The following COL5A2 variants were observed in gnomAD, a reference collection of about 807,000 sequenced individuals.
The protein encoded by COL5A2 is collagen alpha-2(V) chain.
In COL5A2, 23 loss-of-function variants were observed where a neutral mutation model predicts 208.2. The ratio of observed to expected loss-of-function variants is 0.11; its 90% CI spans 0.08 to 0.16. The LOEUF (loss-of-function observed/expected upper bound fraction) is 0.16, where lower values mean the gene tolerates loss of function less well. Ranked by LOEUF, COL5A2 falls within the 10% of genes least tolerant of loss-of-function variation. COL5A2 has a pLI of 1.00. For synonymous variants in COL5A2, 625 were observed against 628.5 expected (o/e 0.99, Z 0.08); for missense variants, 1,590 against 1,956.4 (o/e 0.81, Z 3.53).
At chr2:189,114,264 C>T (rs1433763108) in intron 1 of COL5A2, among the ~76,000 whole-genome samples, 3 of 152,114 alleles carry the variant, frequency 2.0e-5, no homozygotes, top group Non-Finnish European at 4.4e-5. Context: ...TCTCATTGTC[C>T]ATGTCTGAAT....
At chr2:189,079,211 T>A (rs1209476483) in intron 14 of COL5A2, 104 bp from the exon 15 acceptor site, 1 of 899,960 alleles carries the variant, frequency 1.1e-6, no homozygotes, top group African/African-American at 1.7e-5. Context: ...AGAGGACATA[T>A]GAAAGATGTA....
intron 1 of COL5A2, among the ~76,000 whole-genome samples, chr2:189,199,438 T>A (rs1689044308): frequency 6.6e-6 from 1 of 152,122 alleles, no homozygotes; most frequent in African/African-American, 2.4e-5. Flanking sequence ...AAAGGTACAA[T>A]AACATATAAA....
the COL5A2 span, among the ~76,000 whole-genome samples, chr2:189,402,917 T>C: frequency 1.3e-5 from 2 of 152,188 alleles, no homozygotes; most frequent in South Asian, 4.1e-4. Flanking sequence ...CCACATGAAT[T>C]ATAAAATATT....
chr2:189,161,977 G>C (rs991591644), intron 1 of COL5A2, among the ~76,000 whole-genome samples: 1 of 152,312 alleles, frequency 6.6e-6, no homozygotes, highest in Admixed American at 6.5e-5. Context: ...ATTTGGATGT[G>C]AAGGGGAGGA....
the COL5A2 span, among the ~76,000 whole-genome samples, chr2:189,426,836 C>T: frequency 1.0e-3 from 158 of 152,320 alleles, no homozygotes; most frequent in Non-Finnish European, 1.7e-3. Flanking sequence ...TGTGACCTGG[C>T]TACCTCTAAC....
chr2:189,439,482 T>C, the COL5A2 span, among the ~76,000 whole-genome samples: 2 of 152,166 alleles, frequency 1.3e-5, no homozygotes, highest in Non-Finnish European at 2.9e-5. Context: ...CCAATATGGT[T>C]AAGGACAATA....
intron 1 of COL5A2, among the ~76,000 whole-genome samples, chr2:189,155,944 T>C (rs1688237911): frequency 6.6e-6 from 1 of 152,172 alleles, no homozygotes; most frequent in African/African-American, 2.4e-5. Context: ...TTTCTCTTCA[T>C]TTTCAGAACC....
chr2:189,138,333 T>C (rs969607052), intron 1 of COL5A2, among the ~76,000 whole-genome samples: 22 of 152,104 alleles, frequency 1.4e-4, no homozygotes, highest in Admixed American at 1.4e-3. Flanking sequence ...ATCTTACTTA[T>C]TAATATGTCT....
chr2:189,190,566 T>C (rs960696549), intron 1 of COL5A2, among the ~76,000 whole-genome samples: 12 of 152,242 alleles, frequency 7.9e-5, no homozygotes, highest in African/African-American at 2.2e-4. Context: ...AGCCCAGCAG[T>C]TGACTCCAGA....
At chr2:189,038,040 A>G (rs571769959) in intron 51 of COL5A2, among the ~76,000 whole-genome samples, 5 of 152,288 alleles carry the variant, frequency 3.3e-5, no homozygotes, top group Admixed American at 6.5e-5. Flanking sequence ...TTTTAAAGTT[A>G]ACATTTATTT....
chr2:189,350,086 C>G, the COL5A2 span, among the ~76,000 whole-genome samples: 1 of 151,736 alleles, frequency 6.6e-6, no homozygotes, highest in Non-Finnish European at 1.5e-5. Context: ...CAGCAGTCAC[C>G]AAGAATATAT....
At chr2:189,247,574 A>C in the COL5A2 span, among the ~76,000 whole-genome samples, 7 of 151,054 alleles carry the variant, frequency 4.6e-5, no homozygotes, top group Non-Finnish European at 7.4e-5. Context: ...TTTTTCAAAA[A>C]AAAAATTTCT....
At chr2:189,046,434 T>G (rs867197166) in intron 45 of COL5A2, among the ~76,000 whole-genome samples, 2 of 152,310 alleles carry the variant, frequency 1.3e-5, no homozygotes, top group South Asian at 4.1e-4. Context: ...TGCAATCTTA[T>G]TATGATGCAA....
At chr2:189,265,629 C>T in the COL5A2 span, among the ~76,000 whole-genome samples, 1 of 152,090 alleles carries the variant, frequency 6.6e-6, no homozygotes, top group Non-Finnish European at 1.5e-5. Flanking sequence ...TTCAACAAAT[C>T]TTTTATGGGA....
At chr2:189,253,264 G>C in the COL5A2 span, among the ~76,000 whole-genome samples, 1 of 152,162 alleles carries the variant, frequency 6.6e-6, no homozygotes, top group Non-Finnish European at 1.5e-5. Context: ...TGTGGTTCTG[G>C]AATCAGACTG....
At chr2:189,109,834 A>G (rs1162764114) in intron 2 of COL5A2, among the ~76,000 whole-genome samples, 1 of 152,200 alleles carries the variant, frequency 6.6e-6, no homozygotes, top group Non-Finnish European at 1.5e-5. Flanking sequence ...ACTAGGACAA[A>G]GTTGGCATCA....
the COL5A2 span, chr2:189,311,192 A>ATTTTT: frequency 1.1e-6 from 1 of 927,070 alleles, no homozygotes. Context: ...TGGCCAGACT[A>ATTTTT]TTTTTTTTTC....
the COL5A2 span, among the ~76,000 whole-genome samples, chr2:189,415,558 C>T: frequency 6.6e-6 from 1 of 152,160 alleles, no homozygotes; most frequent in Non-Finnish European, 1.5e-5. Flanking sequence ...TAATTGTCAA[C>T]TTCACCTTTA....
the COL5A2 span, among the ~76,000 whole-genome samples, chr2:189,312,640 C>T: frequency 1.8e-4 from 27 of 152,302 alleles, 1 homozygote; most frequent in Admixed American, 1.3e-3. Context: ...CTGGGTCAGA[C>T]CTCCGATCTA....
Sources: gnomAD v4.1 joint callset for allele counts (sites outside exome capture counted in the v4.1 genomes callset) on GRCh38, gnomAD v4.1.1 for gene constraint, MANE v1.5 for transcripts, NCBI Gene and HGNC (gene_info 2026-07-23, HGNC 2026-07-21) for gene names.